INTS1: variants seen among roughly 807,000 people sequenced by gnomAD.
INTS1 encodes the protein integrator complex subunit 1.
In INTS1, 137 loss-of-function variants were observed where a neutral mutation model predicts 241.6. The observed-to-expected ratio is 0.57, with a 90% confidence interval of 0.49 to 0.65. The LOEUF (loss-of-function observed/expected upper bound fraction) is 0.65. INTS1 is among the 30% of genes least tolerant of loss of function. The pLI, the probability that INTS1 is intolerant of heterozygous loss-of-function variation, is 0.00. For synonymous variants in INTS1, 1,692 were observed against 1,337.8 expected, an observed-to-expected ratio of 1.26 and a Z score of -5.78; for missense variants, 3,073 against 3,032.2, an observed-to-expected ratio of 1.01 and a Z score of -0.32.
At position 1,485,421 on chromosome 7, in the gene INTS1, TCTC is replaced by T. The variant is rs552723932; in HGVS notation, c.3022_3024del (p.Glu1008del). 5.0e-4 allele frequency: 804 copies of T among 1,612,674 alleles called. 7 individuals are homozygous for T. In the Middle Eastern group the frequency reaches 0.018, roughly 36 times the overall value. On this transcript the variant is annotated inframe_deletion, in exon 23 of 48. Coordinates refer to ENST00000404767, the MANE Select transcript of INTS1 (RefSeq NM_001080453.3). ...ACATCCTCCTCCATGGGGGGCTCCT[TCTC>T]CTCCCCGTCCCGCAGGCTGCCCTCC...
chr7:1,496,070 G>C (rs574720208), intron 12 of INTS1, 86 bp downstream of exon 12: 13 of 1,021,654 alleles, frequency 1.3e-5, no homozygotes, highest in Non-Finnish European at 1.8e-5. Context: ...GCGCTCAGGG[G>C]ACAGTGCAGC....
chr7:1,491,926 C>G (rs1219379083), intron 16 of INTS1, among the ~76,000 whole-genome samples: 1 of 152,192 alleles, frequency 6.6e-6, no homozygotes, highest in Non-Finnish European at 1.5e-5. Context: ...AAAATGCAAA[C>G]CGAAACAAAC....
Position 1,497,286 on chromosome 7 carries a change from A to G in INTS1, c.1454T>C (p.Leu485Pro). The G allele has an allele frequency of 6.2e-7, 1 of 1,613,278 alleles. No homozygotes were observed. Among genetic ancestry groups the G allele is most frequent in the Non-Finnish European group, 8.5e-7 (1 of 1,179,692 alleles). Residue 485 changes from leucine (L) to proline (P), a missense_variant, in exon 11 of 48, where the codon CTG becomes CCG. By Grantham distance (98) the Leu-to-Pro change is moderately conservative. Coordinates refer to ENST00000404767, the MANE Select transcript of INTS1 (RefSeq NM_001080453.3). The surrounding 1 kb of genome is among the most constrained non-coding windows in gnomAD (Gnocchi z 5.3). ...CCGCAGGTAGTCGTCCTTGTTGGTCAGCAGGTCCTGGAACACCATGGCCAG... is the reference window on the plus strand; with the variant it reads ...CCGCAGGTAGTCGTCCTTGTTGGTCGGCAGGTCCTGGAACACCATGGCCAG... ...KFLAMVFQDL[L>P]TNKDDYLRAS...
chr7:1,496,129 A>G, intron 12 of INTS1, 27 bp downstream of exon 12: 1 of 1,583,182 alleles, frequency 6.3e-7, no homozygotes, highest in Non-Finnish European at 8.7e-7. Flanking sequence ...CCCACCAAGC[A>G]GGGCCAGGCC....
At position 1,470,522 on chromosome 7, in the gene INTS1, G is replaced by T. The variant is rs567231638; in HGVS notation, c.*55C>A. 8.8e-6 allele frequency: 12 copies of T among 1,356,082 alleles called. No individual in the cohort carries two copies. In the East Asian group the frequency reaches 2.8e-4, roughly 32 times the overall value. 84.0% of individuals were successfully genotyped at this position (1,356,082 alleles called of 1,614,324 possible). A position where few individuals can be genotyped will look rare whatever the true frequency, so the allele number is the denominator to read the frequency against. On this transcript the variant is annotated 3_prime_UTR_variant, in exon 48 of 48. Coordinates refer to ENST00000404767, the MANE Select transcript of INTS1 (RefSeq NM_001080453.3). ...CCACGCTTCCTGGGCTTTGCCTCGA[G>T]GATCCCCGGGGACGGGACGGGCCGG...
intron 14 of INTS1, among the ~76,000 whole-genome samples, 172 bp from the exon 15 acceptor site, chr7:1,494,083 G>A (rs1782727599): frequency 1.3e-5 from 2 of 152,210 alleles, no homozygotes; most frequent in Admixed American, 1.3e-4. Context: ...CAGGACAGGA[G>A]CCCTGGCTCT....
chr7:1,475,690 C>T (rs866429085), intron 39 of INTS1, among the ~76,000 whole-genome samples: 6 of 151,910 alleles, frequency 3.9e-5, no homozygotes, highest in South Asian at 2.1e-4. Context: ...GATAAACCAA[C>T]GGCCGATCCA....
chr7:1,500,456 A>G (rs1783117399), intron 3 of INTS1, 90 bp from the exon 4 acceptor site: 1 of 1,376,326 alleles, frequency 7.3e-7, no homozygotes, highest in Non-Finnish European at 9.6e-7. Flanking sequence ...AGGAACCCAG[A>G]GCTCTCAGGG....
intron 18 of INTS1, among the ~76,000 whole-genome samples, chr7:1,488,665 C>T (rs943280783): frequency 6.6e-6 from 1 of 152,214 alleles, no homozygotes; most frequent in African/African-American, 2.4e-5. Context: ...GCCACACACA[C>T]TCCCCGTCCC....
At position 1,473,097 on chromosome 7, in the gene INTS1, G is replaced by C. The variant is rs753547907; in HGVS notation, c.6045C>G (p.Asp2015Glu). 2.5e-6 allele frequency: 4 copies of C among 1,610,076 alleles called. No individual in the cohort carries two copies. Among genetic ancestry groups the C allele is most frequent in the Middle Eastern group, 1.6e-4 (1 of 6,068 alleles). Residue 2015 changes from aspartate (D) to glutamate (E), a missense_variant, in exon 43 of 48, where the codon GAC becomes GAG. Transcript: ENST00000404767. Reference protein sequence around the residue: ...LSLPSRDDRTDRGLDEEGEEE... With the variant: ...LSLPSRDDRTERGLDEEGEEE... Reference sequence around the variant, plus strand: ...CCTCGCCCTCTTCGTCCAGGCCTCGGTCGGTCCTGTCGTCCCTGCTGGGCA... The same window carrying C: ...CCTCGCCCTCTTCGTCCAGGCCTCGCTCGGTCCTGTCGTCCCTGCTGGGCA...
In INTS1 at chr7:1,480,910, C is replaced by A; in HGVS notation, c.3874G>T (p.Val1292Phe). 2 of 1,570,246 alleles carry A rather than the reference C, an allele frequency of 1.3e-6. No individual in the cohort carries two copies. Among genetic ancestry groups the A allele is most frequent in the Non-Finnish European group, 1.7e-6 (2 of 1,158,894 alleles). ...DKNYMAHLVE[V>F]QHERGASGGQ... ...CCGGAGGCGCCGCGCTCATGCTGGA[C>A]CTCCACCAGGTGGGCCATGTAATCT... Residue 1292 changes from valine to phenylalanine, a missense_variant, in exon 29 of 48, where the codon GTC (valine) becomes TTC (phenylalanine). Transcript: ENST00000404767.
At chr7:1,479,360 C>G (rs1781882921) in intron 31 of INTS1, 70 bp downstream of exon 31, 1 of 1,493,866 alleles carries the variant, frequency 6.7e-7, no homozygotes, top group Non-Finnish European at 9.0e-7. Context: ...TCACAGGACA[C>G]CCGGGCCGTC....
intron 27 of INTS1, chr7:1,482,333 C>G (rs921195704): frequency 6.7e-6 from 3 of 447,586 alleles, no homozygotes; most frequent in African/African-American, 6.0e-5. Context: ...AAGACCCTCT[C>G]GGACGGGGCC....
rs111792730 is a variant in INTS1, at chr7:1,487,035, G to A, written c.2713C>T (p.Leu905=). 3 of 1,589,656 alleles carry A rather than the reference G, an allele frequency of 1.9e-6. No homozygotes were observed. In the African/African-American group the frequency reaches 4.0e-5, roughly 21 times the overall value. ...AACTCGCACAGACACTGCACGGGCAGCACGTCCAGGGAGCCCTCGCTGGAC... is the reference window on the plus strand; with the variant it reads ...AACTCGCACAGACACTGCACGGGCAACACGTCCAGGGAGCCCTCGCTGGAC... The part of the protein sequence containing the change: ...VQSSEGSLDV[L]PVQCLCEFLL... Residue 905 remains leucine, a synonymous_variant, in exon 21 of 48, where the codon CTG becomes TTG. Transcript: ENST00000404767.
At position 1,485,181 on chromosome 7, in the gene INTS1, G is replaced by C. The variant is rs1216619267; in HGVS notation, c.3178C>G (p.Pro1060Ala). The change falls in exon 24 of 48, where the codon CCC (proline) becomes GCC (alanine). Residue 1060 changes from proline (P) to alanine (A), a missense_variant. Coordinates refer to ENST00000404767, the MANE Select transcript of INTS1 (RefSeq NM_001080453.3). ...ATCAGGTAGGCGCTGATGGTCTGGG[G>C]ATCAGTCTCCATGTGGATTGCCTGG... ...LQQAIHMETD[P>A]QTISAYLIYL... 3.1e-6 allele frequency: 5 copies of C among 1,600,650 alleles called. No individual in the cohort carries two copies. In the South Asian group the frequency reaches 4.4e-5, roughly 14 times the overall value.
intron 39 of INTS1, among the ~76,000 whole-genome samples, chr7:1,475,098 G>C (rs976116165): frequency 6.6e-6 from 1 of 152,186 alleles, no homozygotes; most frequent in African/African-American, 2.4e-5. Flanking sequence ...ACTACACATC[G>C]GCCAAGCAGG....
chr7:1,502,943 T>C lies in INTS1; in HGVS notation c.307A>G (p.Ile103Val). Residue 103 changes from isoleucine (I) to valine (V), a missense_variant, in exon 3 of 48, where the codon ATT (isoleucine) becomes GTT (valine). By Grantham distance (29) the Ile-to-Val change is conservative (BLOSUM62 3). Transcript: ENST00000404767. Reference protein sequence around the residue: ...AEAAVAEKRAISPSIKEPSVV... With the variant: ...AEAAVAEKRAVSPSIKEPSVV... ...GATGGCTCTTTAATCGACGGAGAAA[T>C]GGCTCGTTTTTCTGCCACTGCAGCC... is the stretch of plus-strand genomic sequence containing the variant. 1.2e-6 allele frequency: 2 copies of C among 1,613,712 alleles called. No homozygotes were observed. Among genetic ancestry groups the C allele is most frequent in the Non-Finnish European group, 1.7e-6 (2 of 1,179,850 alleles).
At chr7:1,486,476 G>A in intron 22 of INTS1, 149 bp downstream of exon 22, 2 of 817,942 alleles carry the variant, frequency 2.4e-6, no homozygotes, top group Non-Finnish European at 3.7e-6. Context: ...TGTTGGCCAG[G>A]CTGGTCTCCA....
chr7:1,496,110 C>T (rs770459819), intron 12 of INTS1, 46 bp downstream of exon 12: 17 of 1,504,360 alleles, frequency 1.1e-5, no homozygotes, highest in Non-Finnish European at 1.4e-5. Context: ...CCAGCCTGGA[C>T]CCGAGACCCC....
Sources: allele counts gnomAD v4.1 joint callset (sites outside exome capture counted in the v4.1 genomes callset), GRCh38; gene constraint gnomAD v4.1.1; non-coding constraint Gnocchi (gnomAD v3.1); transcripts MANE v1.5; gene names NCBI Gene and HGNC (gene_info 2026-07-23, HGNC 2026-07-21).